Variants in ASXL3 observed in about 807,000 individuals in gnomAD.
The protein encoded by ASXL3 is putative Polycomb group protein ASXL3.
ASXL3 carries 34 observed loss-of-function variants against 170.6 expected under a neutral mutation model. That is an observed-to-expected ratio of 0.20 (90% CI 0.15 to 0.27). The LOEUF (loss-of-function observed/expected upper bound fraction) is 0.27. Ranked by LOEUF, ASXL3 falls within the 10% of genes least tolerant of loss-of-function variation. The pLI is 1.00. For missense variants in ASXL3, 2,592 were observed against 2,695.3 expected (o/e 0.96, Z 0.85); for synonymous variants, 1,002 against 989.1 (o/e 1.01, Z -0.24).
At position 33,708,670 on chromosome 18, in the gene ASXL3, C is replaced by T. The variant is rs111593333; in HGVS notation, c.880-23298C>T. Among the ~76,000 whole-genome samples the T allele has an allele frequency of 1.9e-4, 29 of 152,274 alleles. 1 individual carries two copies. The highest frequency in any genetic ancestry group is 7.2e-4 in the Admixed American group (11 of 15,282). ...ACCTACTAGACATAACTAGCATCCC[C>T]TGCCTCCAGTCCCTAACAATCAAAA... On this transcript the variant is annotated intron_variant, in intron 8 of 11. Transcript: ENST00000269197.
chr18:33,633,262 A>G (rs550417666), intron 2 of ASXL3, among the ~76,000 whole-genome samples: 4 of 152,348 alleles, frequency 2.6e-5, no homozygotes, highest in Admixed American at 2.6e-4. Flanking sequence ...ATAGTTGTAC[A>G]TAAACAAAGA....
chr18:33,660,013 A>T (rs1007868466), intron 4 of ASXL3, among the ~76,000 whole-genome samples: 1 of 152,062 alleles, frequency 6.6e-6, no homozygotes, highest in African/African-American at 2.4e-5. Flanking sequence ...GCTTCTTTAG[A>T]TATGATATTT....
chr18:33,597,160 T>C (rs750100108), intron 1 of ASXL3, among the ~76,000 whole-genome samples: 2 of 152,120 alleles, frequency 1.3e-5, no homozygotes, highest in South Asian at 4.1e-4. Flanking sequence ...ATAACTTATA[T>C]AATACATGCA....
chr18:33,633,119 G>A (rs1449573093), intron 2 of ASXL3, among the ~76,000 whole-genome samples: 2 of 152,106 alleles, frequency 1.3e-5, no homozygotes, highest in African/African-American at 4.8e-5. Context: ...GAGTGAATTA[G>A]CAAAAATTTA....
At chr18:33,644,573 A>T (rs547912622) in intron 2 of ASXL3, among the ~76,000 whole-genome samples, 3 of 151,298 alleles carry the variant, frequency 2.0e-5, no homozygotes, top group African/African-American at 7.3e-5. Flanking sequence ...ATAACACCAC[A>T]TAAGTATTTG....
At chr18:33,712,613 C>T (rs1216656591) in intron 8 of ASXL3, among the ~76,000 whole-genome samples, 1 of 152,170 alleles carries the variant, frequency 6.6e-6, no homozygotes, top group Non-Finnish European at 1.5e-5. Flanking sequence ...TTTTTAGCTA[C>T]CCCAATTTCT....
chr18:33,658,017 C>A (rs1269056265), intron 4 of ASXL3, among the ~76,000 whole-genome samples: 1 of 152,090 alleles, frequency 6.6e-6, no homozygotes, highest in African/African-American at 2.4e-5. Flanking sequence ...CATGCCAGTA[C>A]ATAGTTAGAA....
At chr18:33,669,013 A>G (rs1487674964) in intron 5 of ASXL3, among the ~76,000 whole-genome samples, 1 of 152,158 alleles carries the variant, frequency 6.6e-6, no homozygotes, top group Non-Finnish European at 1.5e-5. Context: ...CTCTTTATGC[A>G]GGTTTAATTG....
chr18:33,683,426 C>T lies in ASXL3; in HGVS notation c.737C>T (p.Ala246Val). Residue 246 changes from alanine to valine, a missense_variant, in exon 8 of 12, where the codon GCT (alanine) becomes GTT (valine). By Grantham distance (64) the Ala-to-Val change is moderately conservative. Around this residue, in one of 4 missense-constraint regions of ASXL3, gnomAD observed 73 missense variants for 142.7 expected, o/e 0.51. Coordinates refer to ENST00000269197, the MANE Select transcript of ASXL3 (RefSeq NM_030632.3). ...ACAGGGCACTTGAAATGGACCAAAG[C>T]TGAGGACATTGACATAGAAACCCCA... Reference protein sequence around the residue: ...SGLGHLKWTKAEDIDIETPGS... With the variant: ...SGLGHLKWTKVEDIDIETPGS... 1 of 1,612,938 alleles carries T rather than the reference C, an allele frequency of 6.2e-7. No homozygotes were observed. Among genetic ancestry groups the T allele is most frequent in the Non-Finnish European group, 8.5e-7 (1 of 1,179,378 alleles).
At chr18:33,647,272 T>C (rs2065930026) in intron 4 of ASXL3, among the ~76,000 whole-genome samples, 1 of 152,094 alleles carries the variant, frequency 6.6e-6, no homozygotes, top group Admixed American at 6.6e-5. Context: ...TCTTTAAACT[T>C]GTGTGCTGAT....
In ASXL3 at chr18:33,744,565, A is replaced by G. The variant is rs372459800; in HGVS notation, c.4717A>G (p.Thr1573Ala). The stretch of plus-strand genomic sequence containing the variant: ...TGTTCCAGATAAATTAAATGAGCCG[A>G]CTGCTCCCAGTCATAACTTTGCTGA... Reference protein sequence around the residue: ...PLVPDKLNEPTAPSHNFAEQA... With the variant: ...PLVPDKLNEPAAPSHNFAEQA... The change falls in exon 12 of 12, where the codon ACT becomes GCT. Residue 1573 changes from threonine (T) to alanine (A), a missense_variant. Physicochemically the swap from Thr to Ala is moderately conservative, Grantham distance 58. Around this residue, in one of 4 missense-constraint regions of ASXL3, gnomAD observed 2,246 missense variants for 2,219.6 expected, o/e 1.01. Transcript: ENST00000269197. 71 of 1,611,500 alleles carry G rather than the reference A, an allele frequency of 4.4e-5. No individual in the cohort carries two copies. The highest frequency in any genetic ancestry group is 5.6e-5 in the Non-Finnish European group (66 of 1,179,180).
intron 8 of ASXL3, among the ~76,000 whole-genome samples, chr18:33,707,156 A>G (rs2066973972): frequency 6.6e-6 from 1 of 151,930 alleles, no homozygotes; most frequent in Admixed American, 6.6e-5. Context: ...GTAGCTTGAT[A>G]TCTTGTAGAG....
chr18:33,746,452 G>T lies in ASXL3; in HGVS notation c.6604G>T (p.Asp2202Tyr). 6.2e-7 allele frequency: 1 copy of T among 1,614,038 alleles called. No homozygotes were observed. The highest frequency in any genetic ancestry group is 1.1e-5 in the South Asian group (1 of 91,090). The change falls in exon 12 of 12, where the codon GAC (aspartate) becomes TAC (tyrosine). Residue 2202 changes from aspartate (D) to tyrosine (Y), a missense_variant. Around this residue, in one of 4 missense-constraint regions of ASXL3, gnomAD observed 2,246 missense variants for 2,219.6 expected, o/e 1.01. Coordinates refer to ENST00000269197, the MANE Select transcript of ASXL3 (RefSeq NM_030632.3). ...NAQMPVQNFA[D>Y]SSNADELELK... ...TCAGATGCCCGTTCAGAACTTTGCC[G>T]ACAGCAGCAATGCAGATGAATTGGA...
chr18:33,636,931 G>A (rs1275746382), intron 2 of ASXL3, among the ~76,000 whole-genome samples: 2 of 151,992 alleles, frequency 1.3e-5, no homozygotes, highest in Non-Finnish European at 2.9e-5. Context: ...TTCAAATTCT[G>A]GAGCATTTCA....
chr18:33,711,266 C>T (rs2067057353), intron 8 of ASXL3, among the ~76,000 whole-genome samples: 1 of 152,098 alleles, frequency 6.6e-6, no homozygotes, highest in African/African-American at 2.4e-5. Flanking sequence ...ATGGAATTCA[C>T]ATTTGCTTTC....
chr18:33,680,254 T>C (rs1402733250), intron 7 of ASXL3, among the ~76,000 whole-genome samples: 3 of 152,074 alleles, frequency 2.0e-5, no homozygotes, highest in African/African-American at 7.2e-5. Flanking sequence ...AAACATATAA[T>C]GGATATGTAG....
chr18:33,702,195 C>T lies in ASXL3; in HGVS notation c.879+18627C>T, dbSNP rs112232413. ...ACTTCGAAAACCTTTTCTGTTAAAT[C>T]CAACATCAAGCATTTCATAGAAGAT... is the stretch of plus-strand genomic sequence containing the variant. On this transcript the variant is annotated intron_variant, in intron 8 of 11. Coordinates refer to ENST00000269197, the MANE Select transcript of ASXL3 (RefSeq NM_030632.3). 5.3e-4 allele frequency among the ~76,000 whole-genome samples: 81 copies of T among 152,232 alleles called. 1 individual carries two copies. Among genetic ancestry groups the T allele is most frequent in the African/African-American group, 1.6e-3 (68 of 41,548 alleles).
At chr18:33,654,573 T>G (rs2066052495) in intron 4 of ASXL3, among the ~76,000 whole-genome samples, 1 of 152,080 alleles carries the variant, frequency 6.6e-6, no homozygotes, top group Non-Finnish European at 1.5e-5. Context: ...GCCAAACTTT[T>G]GCTGATCTCC....
At chr18:33,683,354 ACG>A in intron 7 of ASXL3, 49 bp from the exon 8 acceptor site, 1 of 1,521,706 alleles carries the variant, frequency 6.6e-7, no homozygotes, top group Non-Finnish European at 8.9e-7. Flanking sequence ...ACGTACGTAC[ACG>A]TTTCCCTCTA....
Sources: allele counts gnomAD v4.1 joint callset (sites outside exome capture counted in the v4.1 genomes callset), GRCh38; gene constraint gnomAD v4.1.1; regional missense constraint gnomAD v4.1.1; transcripts MANE v1.5; gene names NCBI Gene and HGNC (gene_info 2026-07-23, HGNC 2026-07-21).